Variants in SNRPA1 observed in about 807,000 individuals in gnomAD.
SNRPA1 encodes the protein small nuclear ribonucleoprotein polypeptide A'.
In SNRPA1, 5 loss-of-function variants were observed where a neutral mutation model predicts 32.3. The ratio of observed to expected loss-of-function variants is 0.15; its 90% CI spans 0.08 to 0.33. SNRPA1 has a LOEUF of 0.33. Ranked by LOEUF, SNRPA1 falls within the 10% of genes least tolerant of loss-of-function variation. SNRPA1 has a pLI of 1.00. For missense variants in SNRPA1, 198 were observed against 311.1 expected, an observed-to-expected ratio of 0.64 and a Z score of 2.74; for synonymous variants, 111 against 120.1, an observed-to-expected ratio of 0.92 and a Z score of 0.50.
chr15:101,292,911 G>A, intron 2 of SNRPA1, 114 bp downstream of exon 2: 1 of 567,094 alleles, frequency 1.8e-6, no homozygotes, highest in Non-Finnish European at 2.8e-6. Flanking sequence ...AAAAGAAAAA[G>A]AAAAAGAAAA....
At chr15:101,289,888 G>A (rs2039500463) in intron 3 of SNRPA1, 1 of 130,870 alleles carries the variant, frequency 7.6e-6, no homozygotes, top group Non-Finnish European at 1.5e-5. Flanking sequence ...GTTGCAGTGA[G>A]CCGAGATCTC....
At chr15:101,292,187 T>C in intron 2 of SNRPA1, 147 bp from the exon 3 acceptor site, 1 of 590,638 alleles carries the variant, frequency 1.7e-6, no homozygotes, top group Non-Finnish European at 3.0e-6. Flanking sequence ...AAAAGAACCC[T>C]TTTCTGAGGC....
Position 101,285,684 on chromosome 15 carries a change from ATCTTAGC to A in SNRPA1, c.615+35_615+41del, listed in dbSNP as rs780227674. The stretch of plus-strand genomic sequence containing the variant: ...TTATCCAGCTTTGTGTTCTGAACCC[ATCTTAGC>A]TCATTCCAGTCCAAGAATCCTAACA... On this transcript the variant is annotated intron_variant, in intron 7 of 8. Transcript: ENST00000254193. 3.7e-6 allele frequency: 5 copies of A among 1,342,028 alleles called. No homozygotes were observed. The South Asian group carries it at 5.8e-5, about 16-fold the overall frequency. The allele number at this position is 1,342,028 out of a possible 1,614,324, so 83.1% of individuals were successfully genotyped here.
chr15:101,294,544 G>A (rs2039565451), intron 1 of SNRPA1, among the ~76,000 whole-genome samples: 2 of 152,206 alleles, frequency 1.3e-5, no homozygotes, highest in Non-Finnish European at 2.9e-5. Flanking sequence ...GCAAGCCTGG[G>A]TGACACAGTT....
intron 8 of SNRPA1, 134 bp from the exon 9 acceptor site, chr15:101,281,916 C>T: frequency 3.9e-6 from 3 of 774,382 alleles, no homozygotes; most frequent in Non-Finnish European, 6.6e-6. Flanking sequence ...CAGCACCTGC[C>T]TTTGAGGAGC....
intron 3 of SNRPA1, among the ~76,000 whole-genome samples, chr15:101,291,628 C>T (rs1469263491): frequency 6.6e-6 from 1 of 151,592 alleles, no homozygotes; most frequent in African/African-American, 2.4e-5. Flanking sequence ...ATATTGAACA[C>T]TGCAATTGTA....
intron 4 of SNRPA1, 147 bp downstream of exon 4, chr15:101,287,509 T>A: frequency 1.5e-6 from 1 of 652,498 alleles, no homozygotes; most frequent in Non-Finnish European, 2.8e-6. Flanking sequence ...ACAGAGGACA[T>A]GAACTCATCC....
At chr15:101,285,425 C>T (rs1368147690) in intron 7 of SNRPA1, among the ~76,000 whole-genome samples, 1 of 152,056 alleles carries the variant, frequency 6.6e-6, no homozygotes, top group African/African-American at 2.4e-5. Flanking sequence ...AGCAAATCTT[C>T]GAAAGTAAAA....
At position 101,291,946 on chromosome 15, in the gene SNRPA1, C is replaced by A. The variant is rs1013189819; in HGVS notation, c.309+16G>T. On this transcript the variant is annotated intron_variant, in intron 3 of 8. Coordinates refer to ENST00000254193, the MANE Select transcript of SNRPA1 (RefSeq NM_003090.4). ...AACCCCACCCACCAAATACATTTTC[C>A]TTCTGTGCAACTTACCAGTTCCACG... 1.9e-6 allele frequency: 3 copies of A among 1,575,920 alleles called. No homozygotes were observed. Among genetic ancestry groups the A allele is most frequent in the Non-Finnish European group, 2.6e-6 (3 of 1,147,950 alleles).
intron 4 of SNRPA1, 105 bp downstream of exon 4, chr15:101,287,551 A>G: frequency 1.1e-6 from 1 of 902,284 alleles, no homozygotes; most frequent in Admixed American, 1.9e-5. Flanking sequence ...TCCATGGTGC[A>G]TATGTGCCAC....
chr15:101,282,806 C>A (rs1212422385), intron 8 of SNRPA1, among the ~76,000 whole-genome samples: 1 of 152,192 alleles, frequency 6.6e-6, no homozygotes, highest in Non-Finnish European at 1.5e-5. Context: ...GGGAAGCTGG[C>A]AGGTTACGGC....
At chr15:101,293,574 T>G (rs2039552500) in intron 1 of SNRPA1, among the ~76,000 whole-genome samples, 1 of 152,188 alleles carries the variant, frequency 6.6e-6, no homozygotes, top group Non-Finnish European at 1.5e-5. Context: ...GTTCAAACAT[T>G]GTGGACGACA....
At chr15:101,288,148 C>T (rs1221534879) in intron 3 of SNRPA1, 3 of 161,806 alleles carry the variant, frequency 1.9e-5, no homozygotes, top group South Asian at 3.2e-4. Context: ...GTACATTTAT[C>T]CTAGCTGCCC....
intron 1 of SNRPA1, 179 bp from the exon 2 acceptor site, chr15:101,293,351 C>A: frequency 4.2e-6 from 2 of 470,942 alleles, no homozygotes; most frequent in Non-Finnish European, 3.8e-6. Flanking sequence ...AGAGAGAAAA[C>A]GCTGAACGAG....
chr15:101,294,066 T>C (rs1029150106), intron 1 of SNRPA1, among the ~76,000 whole-genome samples: 34 of 152,116 alleles, frequency 2.2e-4, no homozygotes, highest in African/African-American at 8.2e-4. Context: ...AAACCATGTC[T>C]TTACTAAAAA....
chr15:101,293,596 T>C (rs968837127), intron 1 of SNRPA1, among the ~76,000 whole-genome samples: 2 of 152,184 alleles, frequency 1.3e-5, no homozygotes, highest in Non-Finnish European at 2.9e-5. Flanking sequence ...TTCTCCACTC[T>C]TGCATCTCCA....
chr15:101,287,671 G>A lies in SNRPA1; in HGVS notation c.341C>T (p.Ser114Leu), dbSNP rs577233883. The A allele has an allele frequency of 1.6e-5, 26 of 1,613,746 alleles. No individual in the cohort carries two copies. Among genetic ancestry groups the A allele is most frequent in the African/African-American group, 6.7e-5 (5 of 75,010 alleles). ...ATTCCCATACCTTAGGTAAGTCAGC[G>A]ATTTGAGAGATGCCAGAGGGTCCAG... ...GDLDPLASLK[S>L]LTYLSILRNP... The change falls in exon 4 of 9, where the codon TCG becomes TTG. Residue 114 changes from serine to leucine, a missense_variant. Ser to Leu is a moderately radical substitution (Grantham distance 145). Transcript: ENST00000254193.
chr15:101,283,384 T>C (rs1449000998), intron 8 of SNRPA1, among the ~76,000 whole-genome samples: 1 of 150,352 alleles, frequency 6.7e-6, no homozygotes, highest in Non-Finnish European at 1.5e-5. Flanking sequence ...GTAGAAACCC[T>C]GTCTCTACTA....
At chr15:101,286,604 G>A in intron 5 of SNRPA1, 10 of 457,884 alleles carry the variant, frequency 2.2e-5, no homozygotes, top group Non-Finnish European at 3.9e-5. Flanking sequence ...ACGAAAGTAG[G>A]TTACATTAAG....
Sources: gnomAD v4.1 joint callset for allele counts (sites outside exome capture counted in the v4.1 genomes callset) on GRCh38, gnomAD v4.1.1 for gene constraint, MANE v1.5 for transcripts, NCBI Gene and HGNC (gene_info 2026-07-23, HGNC 2026-07-21) for gene names.